UBR3: variants seen among roughly 807,000 people sequenced by gnomAD.
UBR3 encodes the protein E3 ubiquitin-protein ligase UBR3.
Under a neutral mutation model 243.2 loss-of-function variants are expected in UBR3, and 85 were observed. The observed-to-expected ratio is 0.35, with a 90% confidence interval of 0.29 to 0.42. The LOEUF (loss-of-function observed/expected upper bound fraction) is 0.42, where lower values mean the gene tolerates loss of function less well. Among genes scored for constraint, UBR3 ranks in the 10% least tolerant of loss-of-function variants. UBR3 has a pLI of 1.00. For synonymous variants in UBR3, 748 were observed against 799.8 expected (o/e 0.94, Z 1.09); for missense variants, 1,686 against 2,300.8 (o/e 0.73, Z 5.47).
intron 1 of UBR3, among the ~76,000 whole-genome samples, chr2:169,849,254 G>A (rs2082583588): frequency 6.6e-6 from 1 of 152,176 alleles, no homozygotes; most frequent in African/African-American, 2.4e-5. Flanking sequence ...AACACAATAA[G>A]GTCAACTTGT....
At chr2:169,978,207 C>T (rs757615610) in intron 24 of UBR3, among the ~76,000 whole-genome samples, 15 of 152,256 alleles carry the variant, frequency 9.9e-5, no homozygotes, top group Non-Finnish European at 2.2e-4. Context: ...GGGAGACTTA[C>T]CCAAGGGGAT....
At chr2:169,831,079 G>A (rs2081915264) in intron 1 of UBR3, among the ~76,000 whole-genome samples, 1 of 134,386 alleles carries the variant, frequency 7.4e-6, no homozygotes. Flanking sequence ...TATTTTCCCA[G>A]TCTGGCAACC....
At chr2:169,967,796 CA>C (rs2087891942) in intron 24 of UBR3, among the ~76,000 whole-genome samples, 1 of 151,838 alleles carries the variant, frequency 6.6e-6, no homozygotes, top group Non-Finnish European at 1.5e-5. Flanking sequence ...ACAGTATAAG[CA>C]AATACCTATA....
intron 32 of UBR3, among the ~76,000 whole-genome samples, chr2:170,051,415 G>C (rs909002834): frequency 6.6e-6 from 1 of 152,054 alleles, no homozygotes; most frequent in Non-Finnish European, 1.5e-5. Context: ...ACCATTATCA[G>C]CTCACTGCAA....
chr2:170,077,236 G>C, intron 36 of UBR3: 1 of 726,580 alleles, frequency 1.4e-6, no homozygotes. Context: ...AGACCAGTAA[G>C]ACTGCATTTA....
Position 170,073,411 on chromosome 2 carries a change from TA to T in UBR3, c.5020-16del. ...TTGATGAAATATTTTCAGAATTTCC[TA>T]TTTCATGTCTAAAAGGAAGAAGAAG... On this transcript the variant is annotated splice_polypyrimidine_tract_variant and intron_variant, in intron 35 of 38. Transcript: ENST00000272793. 1 of 1,612,914 alleles carries T rather than the reference TA, an allele frequency of 6.2e-7. No homozygotes were observed. Among genetic ancestry groups the T allele is most frequent in the Non-Finnish European group, 8.5e-7 (1 of 1,179,380 alleles).
intron 35 of UBR3, among the ~76,000 whole-genome samples, chr2:170,067,635 G>A (rs184405115): frequency 1.5e-3 from 224 of 152,262 alleles, no homozygotes; most frequent in Non-Finnish European, 2.6e-3. Flanking sequence ...TTTCAAAGAA[G>A]TGAGTTATAA....
At chr2:169,844,126 C>G (rs2082389489) in intron 1 of UBR3, among the ~76,000 whole-genome samples, 1 of 151,744 alleles carries the variant, frequency 6.6e-6, no homozygotes, top group Admixed American at 6.6e-5. Flanking sequence ...CCTGCCTCAC[C>G]CTCCCTAGTA....
chr2:169,891,124 T>C (rs970495324), intron 5 of UBR3, 41 bp from the exon 6 acceptor site: 75 of 1,447,352 alleles, frequency 5.2e-5, no homozygotes, highest in Non-Finnish European at 6.0e-5. Context: ...TATCAATTTA[T>C]GAATGTGACT....
At chr2:169,995,535 C>T (rs1882358) in intron 26 of UBR3, among the ~76,000 whole-genome samples, 83,284 of 152,050 alleles carry the variant, frequency 0.55, 23,255 homozygotes, top group Middle Eastern at 0.63. Context: ...TCCACATCAT[C>T]TGCTTAAAGT....
At chr2:169,854,699 A>T (rs2082777112) in intron 1 of UBR3, among the ~76,000 whole-genome samples, 1 of 152,166 alleles carries the variant, frequency 6.6e-6, no homozygotes, top group Non-Finnish European at 1.5e-5. Flanking sequence ...ATACAACATA[A>T]AGTGTTGATA....
intron 10 of UBR3, among the ~76,000 whole-genome samples, chr2:169,909,741 G>GTATATATATATA (rs34263331): frequency 6.7e-6 from 1 of 149,528 alleles, no homozygotes; most frequent in Non-Finnish European, 1.5e-5. Flanking sequence ...GTGTGTGTGT[G>GTATATATATATA]TATATATATA....
Position 170,072,135 on chromosome 2 carries a change from C to T in UBR3, c.5020-1293C>T, listed in dbSNP as rs1011613498. ...GACATATGCACACATATGTTTATTG[C>T]GACACTATTCACAATAGCAAAGACT... On this transcript the variant is annotated intron_variant, in intron 35 of 38. Coordinates refer to ENST00000272793, the MANE Select transcript of UBR3 (RefSeq NM_172070.4). Among the ~76,000 whole-genome samples the T allele has an allele frequency of 7.9e-5, 12 of 151,976 alleles. 1 individual carries two copies. Among genetic ancestry groups the T allele is most frequent in the South Asian group, 4.2e-4 (2 of 4,816 alleles).
At chr2:169,847,124 T>TGTGCGC (rs1332056027) in intron 1 of UBR3, among the ~76,000 whole-genome samples, 2 of 33,534 alleles carry the variant, frequency 6.0e-5, no homozygotes, top group African/African-American at 1.5e-4. Context: ...TGTGTGTGTG[T>TGTGCGC]GCGCTGGCAG....
intron 27 of UBR3, among the ~76,000 whole-genome samples, chr2:170,001,939 A>AAAAAAAAAAG (rs1553531165): frequency 3.9e-4 from 45 of 116,154 alleles, no homozygotes; most frequent in African/African-American, 1.6e-3. Context: ...AAAAAAAAAA[A>AAAAAAAAAAG]AAAGAAAGAA....
At chr2:169,995,703 T>A (rs1294442787) in intron 26 of UBR3, among the ~76,000 whole-genome samples, 1 of 152,226 alleles carries the variant, frequency 6.6e-6, no homozygotes, top group East Asian at 1.9e-4. Flanking sequence ...ATGATACTTT[T>A]AAAATGTGAA....
intron 35 of UBR3, 161 bp from the exon 36 acceptor site, chr2:170,073,266 CT>C: frequency 4.3e-6 from 3 of 696,466 alleles, no homozygotes; most frequent in Admixed American, 3.1e-5. Context: ...AGCTAGGAAC[CT>C]TTTTCTCTCT....
intron 30 of UBR3, among the ~76,000 whole-genome samples, chr2:170,023,138 G>GTTT (rs796146588): frequency 6.7e-6 from 1 of 149,650 alleles, no homozygotes; most frequent in African/African-American, 2.5e-5. Flanking sequence ...GGCTAGTTGA[G>GTTT]TTTTTTTTTT....
At chr2:169,995,190 A>G (rs1188281684) in intron 26 of UBR3, among the ~76,000 whole-genome samples, 1 of 152,202 alleles carries the variant, frequency 6.6e-6, no homozygotes, top group Non-Finnish European at 1.5e-5. Context: ...GAAAGGGCTC[A>G]GTGAACCCGC....
Sources: gnomAD v4.1 joint callset for allele counts (sites outside exome capture counted in the v4.1 genomes callset) on GRCh38, gnomAD v4.1.1 for gene constraint, MANE v1.5 for transcripts, NCBI Gene and HGNC (gene_info 2026-07-23, HGNC 2026-07-21) for gene names.